The following ANKH variants were observed in gnomAD, a reference collection of about 807,000 sequenced individuals.
ANKH encodes mineralization regulator ANKH.
A neutral mutation model predicts 49.0 loss-of-function variants in ANKH; 15 were observed. The ratio of observed to expected loss-of-function variants is 0.31; its 90% CI spans 0.20 to 0.47. ANKH has a LOEUF of 0.47. Among genes scored for constraint, ANKH ranks in the 20% least tolerant of loss-of-function variants. The pLI, the probability that ANKH is intolerant of heterozygous loss-of-function variation, is 1.00. For synonymous variants in ANKH, 273 were observed against 260.0 expected (o/e 1.05, Z -0.48); for missense variants, 429 against 652.0 (o/e 0.66, Z 3.72).
intron 1 of ANKH, among the ~76,000 whole-genome samples, chr5:14,857,404 C>A (rs1482414450): frequency 6.6e-6 from 1 of 152,148 alleles, no homozygotes; most frequent in Admixed American, 6.5e-5. Context: ...CCTGTAATCC[C>A]AGCACTCTGG....
At chr5:14,792,975 C>CATATATATATATAAAA (rs1161234660) in intron 1 of ANKH, among the ~76,000 whole-genome samples, 1 of 102,782 alleles carries the variant, frequency 9.7e-6, no homozygotes, top group African/African-American at 3.9e-5. Flanking sequence ...GAAACTCCAT[C>CATATATATATATAAAA]ATATATATAT....
At chr5:14,782,389 G>A (rs1010010286) in intron 1 of ANKH, among the ~76,000 whole-genome samples, 1 of 152,020 alleles carries the variant, frequency 6.6e-6, no homozygotes, top group Non-Finnish European at 1.5e-5. Flanking sequence ...ACTCATCCAG[G>A]GTGGACACAA....
intron 1 of ANKH, among the ~76,000 whole-genome samples, chr5:14,806,551 G>GGCTGTGGCTGTA (rs1307896749): frequency 3.3e-5 from 5 of 152,110 alleles, no homozygotes; most frequent in Non-Finnish European, 7.3e-5. Flanking sequence ...GAGTGGCTGT[G>GGCTGTGGCTGTA]GCTGTGGCTG....
chr5:14,738,381 T>C (rs1028392782), intron 8 of ANKH, among the ~76,000 whole-genome samples: 4 of 152,240 alleles, frequency 2.6e-5, no homozygotes, highest in East Asian at 1.9e-4. Context: ...CACTGAGTCA[T>C]TGGGTGTCTA....
chr5:14,830,857 CT>C (rs1423989153), intron 1 of ANKH, among the ~76,000 whole-genome samples: 2 of 152,122 alleles, frequency 1.3e-5, no homozygotes, highest in Admixed American at 1.3e-4. Context: ...ACCAACGGTC[CT>C]GCTTTGCCTG....
At chr5:14,783,112 G>A (rs1310690694) in intron 1 of ANKH, among the ~76,000 whole-genome samples, 1 of 152,118 alleles carries the variant, frequency 6.6e-6, no homozygotes, top group Non-Finnish European at 1.5e-5. Flanking sequence ...AGGGTCTGGG[G>A]CACTTGATCT....
At chr5:14,856,622 T>TCCTTCCTCTTTGG (rs1735259973) in intron 1 of ANKH, among the ~76,000 whole-genome samples, 1 of 151,484 alleles carries the variant, frequency 6.6e-6, no homozygotes, top group Non-Finnish European at 1.5e-5. Context: ...CCATTTCCCC[T>TCCTTCCTCTTTGG]CTCCTTTTCT....
In ANKH at chr5:14,855,817, T is replaced by C. The variant is rs562743928; in HGVS notation, c.96+15535A>G. Among the ~76,000 whole-genome samples the C allele has an allele frequency of 4.6e-4, 69 of 150,642 alleles. 1 individual carries two copies. The highest frequency in any genetic ancestry group is 1.1e-3 in the African/African-American group (46 of 40,894). ...CTGAGAAAATCCAGCCTTAAAGGCC[T>C]TTTCCCTAAGGTGGAAAAAAAAAAG... On this transcript the variant is annotated intron_variant, in intron 1 of 11. Coordinates refer to ENST00000284268, the MANE Select transcript of ANKH (RefSeq NM_054027.6).
At chr5:14,769,213 C>T (rs749399527) in intron 1 of ANKH, 22 bp from the exon 2 acceptor site, 4 of 1,588,482 alleles carry the variant, frequency 2.5e-6, no homozygotes, top group Admixed American at 1.7e-5. Flanking sequence ...GAAAAAAACC[C>T]ACAAGCATTA....
intron 4 of ANKH, among the ~76,000 whole-genome samples, chr5:14,754,215 A>G (rs1025198087): frequency 6.6e-6 from 1 of 152,258 alleles, no homozygotes; most frequent in Non-Finnish European, 1.5e-5. Flanking sequence ...GGCCAGGATC[A>G]GGTTTAAAAT....
chr5:14,812,510 T>A (rs1740916080), intron 1 of ANKH, among the ~76,000 whole-genome samples: 1 of 152,180 alleles, frequency 6.6e-6, no homozygotes, highest in Non-Finnish European at 1.5e-5. Context: ...AGTTCTAGGG[T>A]TTGGGGGTGA....
At chr5:14,798,290 G>C in intron 1 of ANKH, 1 of 1,601,224 alleles carries the variant, frequency 6.2e-7, no homozygotes, top group Non-Finnish European at 8.6e-7. Context: ...CCAGAGCATG[G>C]GTCATCACCA....
intron 1 of ANKH, among the ~76,000 whole-genome samples, chr5:14,776,264 C>T (rs982667083): frequency 1.4e-4 from 22 of 152,154 alleles, no homozygotes; most frequent in Non-Finnish European, 4.4e-5. Context: ...AGCAAGAGCG[C>T]CATTGGCAGC....
chr5:14,733,349 TG>T (rs948029087), intron 8 of ANKH, among the ~76,000 whole-genome samples: 1 of 152,190 alleles, frequency 6.6e-6, no homozygotes, highest in Non-Finnish European at 1.5e-5. Context: ...GACCCAGAGC[TG>T]GGGACACAGT....
intron 1 of ANKH, among the ~76,000 whole-genome samples, chr5:14,829,083 C>T (rs1052787336): frequency 6.7e-6 from 1 of 149,586 alleles, no homozygotes; most frequent in Admixed American, 6.7e-5. Flanking sequence ...ACTCGGGAGG[C>T]TGAGGCAGTA....
chr5:14,744,870 G>A (rs758522396), intron 7 of ANKH, among the ~76,000 whole-genome samples: 69 of 152,366 alleles, frequency 4.5e-4, no homozygotes, highest in Non-Finnish European at 8.7e-4. Flanking sequence ...CTGTGGCCTA[G>A]CCTTGTTGTG....
At chr5:14,834,489 A>G (rs539859718) in intron 1 of ANKH, among the ~76,000 whole-genome samples, 10 of 152,356 alleles carry the variant, frequency 6.6e-5, no homozygotes, top group African/African-American at 2.2e-4. Context: ...TTTTAAAAAT[A>G]TAAAGATCTG....
At position 14,819,914 on chromosome 5, in the gene ANKH, C is replaced by T. The variant is rs974197988; in HGVS notation, c.97-50723G>A. Among the ~76,000 whole-genome samples, 15 of 150,854 alleles carry T rather than the reference C, an allele frequency of 9.9e-5. No individual in the cohort carries two copies. In the East Asian group the frequency reaches 2.1e-3, roughly 22 times the overall value. ...CAACAAAAATATACACACACACACA[C>T]ACACACACACACACACACACACACA... On this transcript the variant is annotated intron_variant, in intron 1 of 11. Coordinates refer to ENST00000284268, the MANE Select transcript of ANKH (RefSeq NM_054027.6).
chr5:14,828,475 T>G (rs1741408910), intron 1 of ANKH, among the ~76,000 whole-genome samples: 1 of 152,070 alleles, frequency 6.6e-6, no homozygotes, highest in African/African-American at 2.4e-5. Flanking sequence ...TGCAGTGAGC[T>G]GAGATTGCAC....
Sources: gnomAD v4.1 joint callset for allele counts (sites outside exome capture counted in the v4.1 genomes callset) on GRCh38, gnomAD v4.1.1 for gene constraint, MANE v1.5 for transcripts, NCBI Gene and HGNC (gene_info 2026-07-23, HGNC 2026-07-21) for gene names.